The following MICU2 variants were observed in gnomAD, a reference collection of about 807,000 sequenced individuals.
The protein encoded by MICU2 is calcium uptake protein 2, mitochondrial.
MICU2 carries 64 observed loss-of-function variants against 60.4 expected under a neutral mutation model. The ratio of observed to expected loss-of-function variants is 1.06; its 90% CI spans 0.87 to 1.31. The LOEUF is 1.31. MICU2 is among the 50% of genes most tolerant of loss of function. MICU2 has a pLI of 0.00. For synonymous variants in MICU2, 201 were observed against 175.0 expected (o/e 1.15, Z -1.17); for missense variants, 569 against 531.0 (o/e 1.07, Z -0.70).
intron 2 of MICU2, among the ~76,000 whole-genome samples, chr13:21,554,131 A>T (rs1191648151): frequency 5.9e-5 from 9 of 152,216 alleles, no homozygotes; most frequent in Non-Finnish European, 2.9e-5. Flanking sequence ...AACGAGACAG[A>T]AAGTTAATAA....
intron 2 of MICU2, among the ~76,000 whole-genome samples, chr13:21,560,622 A>AC (rs1454014977): frequency 1.1e-4 from 15 of 140,956 alleles, no homozygotes; most frequent in Non-Finnish European, 1.7e-4. Context: ...GCTTGTCAAA[A>AC]AACACACACA....
intron 2 of MICU2, among the ~76,000 whole-genome samples, chr13:21,552,937 T>G (rs527618708): frequency 6.6e-6 from 1 of 152,330 alleles, no homozygotes; most frequent in Non-Finnish European, 1.5e-5. Context: ...CCATATGAAC[T>G]TTAAAGTAGT....
chr13:21,596,494 G>A (rs1425677612), intron 1 of MICU2, among the ~76,000 whole-genome samples: 1 of 151,732 alleles, frequency 6.6e-6, no homozygotes, highest in Non-Finnish European at 1.5e-5. Context: ...TGCGATCCTG[G>A]CTCACTGCAA....
intron 2 of MICU2, among the ~76,000 whole-genome samples, chr13:21,555,176 C>T (rs898003234): frequency 6.6e-6 from 1 of 152,100 alleles, no homozygotes; most frequent in Non-Finnish European, 1.5e-5. Flanking sequence ...TTTATGAGGC[C>T]AGCATCATCC....
At chr13:21,595,031 G>C (rs567266820) in intron 1 of MICU2, among the ~76,000 whole-genome samples, 25 of 152,036 alleles carry the variant, frequency 1.6e-4, no homozygotes, top group Non-Finnish European at 3.1e-4. Flanking sequence ...ACCAACTAAA[G>C]ACAAAATTAG....
intron 1 of MICU2, among the ~76,000 whole-genome samples, chr13:21,594,717 T>C (rs1041942937): frequency 2.0e-5 from 3 of 152,238 alleles, no homozygotes; most frequent in African/African-American, 4.8e-5. Context: ...AATGAGATCA[T>C]GTCCTTTGCA....
intron 1 of MICU2, among the ~76,000 whole-genome samples, chr13:21,569,212 C>A (rs755893142): frequency 6.6e-6 from 1 of 152,178 alleles, no homozygotes; most frequent in South Asian, 2.1e-4. Flanking sequence ...TCTACCAGTA[C>A]ATGGTGAGGT....
intron 6 of MICU2, 28 bp downstream of exon 6, chr13:21,521,217 A>G (rs765285926): frequency 2.0e-6 from 3 of 1,498,190 alleles, no homozygotes; most frequent in Non-Finnish European, 2.7e-6. Context: ...ATTTTATGAT[A>G]AACCTAAAAT....
chr13:21,568,765 C>A (rs1888039327), intron 1 of MICU2, among the ~76,000 whole-genome samples: 1 of 152,014 alleles, frequency 6.6e-6, no homozygotes, highest in Admixed American at 6.6e-5. Context: ...TAACTAATAT[C>A]AAATCTCATC....
chr13:21,571,561 G>A (rs1320337179), intron 1 of MICU2, among the ~76,000 whole-genome samples: 1 of 152,180 alleles, frequency 6.6e-6, no homozygotes, highest in African/African-American at 2.4e-5. Context: ...AGCCAGGCGT[G>A]GTGGCAGGAG....
At chr13:21,588,646 G>A (rs527422830) in intron 1 of MICU2, among the ~76,000 whole-genome samples, 2 of 152,308 alleles carry the variant, frequency 1.3e-5, no homozygotes, top group Non-Finnish European at 2.9e-5. Context: ...GCGGATGTGT[G>A]GTGGTATTGT....
intron 1 of MICU2, among the ~76,000 whole-genome samples, chr13:21,602,053 G>A (rs1888830077): frequency 1.3e-5 from 2 of 151,166 alleles, no homozygotes; most frequent in African/African-American, 4.9e-5. Context: ...AGGTTGTAGT[G>A]AGCCGGGATC....
At chr13:21,575,674 G>A (rs117182151) in intron 1 of MICU2, among the ~76,000 whole-genome samples, 2,907 of 137,378 alleles carry the variant, frequency 0.021, 49 homozygotes, top group Non-Finnish European at 0.03. Context: ...AGGCTCCAGT[G>A]AGCCGAGATC....
chr13:21,517,797 A>ACGCGCGCG (rs764778244), intron 6 of MICU2, among the ~76,000 whole-genome samples: 9 of 90,092 alleles, frequency 1.0e-4, no homozygotes, highest in African/African-American at 2.1e-4. Context: ...ACACACACAC[A>ACGCGCGCG]CACGCGCGCG....
At chr13:21,562,330 A>G (rs1243719901) in intron 2 of MICU2, among the ~76,000 whole-genome samples, 3 of 152,194 alleles carry the variant, frequency 2.0e-5, no homozygotes, top group Non-Finnish European at 2.9e-5. Context: ...TCCCACCAAC[A>G]GTGGAAAAGT....
At chr13:21,573,971 AC>A (rs1273248433) in intron 1 of MICU2, among the ~76,000 whole-genome samples, 4 of 152,316 alleles carry the variant, frequency 2.6e-5, no homozygotes, top group Admixed American at 2.6e-4. Flanking sequence ...ATTAATCTTA[AC>A]CTTCATTTGA....
Position 21,493,464 on chromosome 13 carries a change from T to C in MICU2, c.1201-111A>G, listed in dbSNP as rs1054304726. Reference sequence around the variant, plus strand: ...CTTCCCACACTCCTCCAAAAATAGTTGAGGGTGAATTATGTTGTAAAAGAT... The same window carrying C: ...CTTCCCACACTCCTCCAAAAATAGTCGAGGGTGAATTATGTTGTAAAAGAT... On this transcript the variant is annotated intron_variant, in intron 11 of 11. Transcript: ENST00000382374. The C allele has an allele frequency of 1.3e-5, 9 of 688,580 alleles. No homozygotes were observed. The African/African-American group carries it at 1.7e-4, about 13-fold the overall frequency. The allele number at this position is 688,580 out of a possible 1,614,324, so 42.7% of individuals were successfully genotyped here.
intron 1 of MICU2, among the ~76,000 whole-genome samples, chr13:21,593,708 A>G (rs950649291): frequency 1.3e-5 from 2 of 152,170 alleles, no homozygotes; most frequent in African/African-American, 4.8e-5. Context: ...AGCAGAACAG[A>G]GACCTCAGAA....
intron 1 of MICU2, among the ~76,000 whole-genome samples, chr13:21,578,395 T>A (rs1888274167): frequency 6.6e-6 from 1 of 152,140 alleles, no homozygotes; most frequent in African/African-American, 2.4e-5. Flanking sequence ...GAGACTAGTC[T>A]AGGGAACACA....
Sources: allele counts gnomAD v4.1 joint callset (sites outside exome capture counted in the v4.1 genomes callset), GRCh38; gene constraint gnomAD v4.1.1; transcripts MANE v1.5; gene names NCBI Gene and HGNC (gene_info 2026-07-23, HGNC 2026-07-21).